Variants in FOXP1 observed in about 807,000 individuals in gnomAD.
FOXP1 encodes the protein forkhead box P1.
Under a neutral mutation model 98.2 loss-of-function variants are expected in FOXP1, and 15 were observed. The observed-to-expected ratio is 0.15, with a 90% confidence interval of 0.10 to 0.24. The LOEUF (loss-of-function observed/expected upper bound fraction) is 0.24. Ranked by LOEUF, FOXP1 falls within the 10% of genes least tolerant of loss-of-function variation. The pLI is 1.00. For missense variants in FOXP1, 633 were observed against 848.5 expected (o/e 0.75, Z 3.15); for synonymous variants, 371 against 314.5 (o/e 1.18, Z -1.90).
At chr3:71,266,774 C>T (rs1450707598) in intron 5 of FOXP1, among the ~76,000 whole-genome samples, 1 of 152,060 alleles carries the variant, frequency 6.6e-6, no homozygotes, top group East Asian at 1.9e-4. Context: ...TCTTTATGTT[C>T]GTGTGTACCC....
At position 71,322,030 on chromosome 3, in the gene FOXP1, A is replaced by G. The variant is rs1733545; in HGVS notation, c.-72-22150T>C. On this transcript the variant is annotated intron_variant, in intron 4 of 20. Coordinates refer to ENST00000649528, the MANE Select transcript of FOXP1 (RefSeq NM_001349338.3). ...TGAGATCTGTGTGTCAGATGTGAGA[A>G]TATGTGTTATACTCATAAGCAGGAT... Among the ~76,000 whole-genome samples, 961 of 152,352 alleles carry G rather than the reference A, an allele frequency of 6.3e-3. 3 individuals carry two copies. The highest frequency in any genetic ancestry group is 0.011 in the Non-Finnish European group (725 of 68,032).
At chr3:71,474,763 T>C (rs2089672732) in intron 3 of FOXP1, among the ~76,000 whole-genome samples, 1 of 151,998 alleles carries the variant, frequency 6.6e-6, no homozygotes, top group African/African-American at 2.4e-5. Context: ...TCCCACTGAT[T>C]CTATATTATG....
chr3:71,129,542 G>C (rs567064394), intron 6 of FOXP1, among the ~76,000 whole-genome samples: 1 of 152,160 alleles, frequency 6.6e-6, no homozygotes, highest in South Asian at 2.1e-4. Context: ...AAGATCAAAA[G>C]AGCTTATTTT....
chr3:70,992,964 T>C (rs968240791), intron 13 of FOXP1, among the ~76,000 whole-genome samples: 17 of 152,156 alleles, frequency 1.1e-4, no homozygotes. Context: ...CAGGAGGCTC[T>C]GTGAGGCCGC....
At chr3:71,458,640 A>G (rs1432134308) in intron 3 of FOXP1, among the ~76,000 whole-genome samples, 2 of 152,232 alleles carry the variant, frequency 1.3e-5, no homozygotes, top group Admixed American at 1.3e-4. Flanking sequence ...GACCTACTCT[A>G]CATCTTTATT....
chr3:71,227,733 A>T (rs11714352), intron 5 of FOXP1, among the ~76,000 whole-genome samples: 23,664 of 131,424 alleles, frequency 0.18, 2,051 homozygotes, highest in African/African-American at 0.29. Flanking sequence ...CAATGTTTTT[A>T]AAAAAAAAAA....
intron 6 of FOXP1, among the ~76,000 whole-genome samples, chr3:71,125,857 G>A (rs1193423213): frequency 2.0e-5 from 3 of 152,210 alleles, no homozygotes; most frequent in Non-Finnish European, 4.4e-5. Flanking sequence ...ACCAATCACT[G>A]TGTCTGGATT....
At chr3:71,200,362 T>C (rs181016012) in intron 5 of FOXP1, among the ~76,000 whole-genome samples, 10 of 152,310 alleles carry the variant, frequency 6.6e-5, no homozygotes, top group African/African-American at 2.2e-4. Context: ...TACCCCCAGT[T>C]TGCGGATGAG....
chr3:71,305,306 C>A (rs1439837014), intron 4 of FOXP1, among the ~76,000 whole-genome samples: 1 of 152,164 alleles, frequency 6.6e-6, no homozygotes, highest in Non-Finnish European at 1.5e-5. Context: ...GTCTCCTCCA[C>A]CGTGGGGCCA....
chr3:71,502,865 G>A (rs1484978436), intron 2 of FOXP1, among the ~76,000 whole-genome samples: 3 of 151,956 alleles, frequency 2.0e-5, no homozygotes, highest in African/African-American at 4.8e-5. Flanking sequence ...CAGCTAATAC[G>A]GGAGGAAAAA....
rs531763912 is a variant in FOXP1 at position 71,199,860 on chromosome 3, G to A, written c.-11-1468C>T. On this transcript the variant is annotated intron_variant, in intron 5 of 20. Coordinates refer to ENST00000649528, the MANE Select transcript of FOXP1 (RefSeq NM_001349338.3). ...TGGGAGGCCGAGGCGGGTGGATCAC[G>A]AGGTCAGGAGTTCAAGACCAGCCTG... is the stretch of plus-strand genomic sequence containing the variant. Among the ~76,000 whole-genome samples, 36 of 151,456 alleles carry A rather than the reference G, an allele frequency of 2.4e-4. 1 individual carries two copies. The East Asian group carries it at 6.7e-3, about 28-fold the overall frequency.
intron 1 of FOXP1, chr3:71,582,127 TG>T: frequency 1.0e-6 from 1 of 962,886 alleles, no homozygotes; most frequent in Non-Finnish European, 1.2e-6. Context: ...GAGGGGGGCA[TG>T]CGACTTTGTT....
chr3:71,513,721 G>A (rs534446035), intron 2 of FOXP1, among the ~76,000 whole-genome samples: 1 of 152,296 alleles, frequency 6.6e-6, no homozygotes, highest in East Asian at 1.9e-4. Context: ...CTGAGGGCCT[G>A]GAGGATAAAG....
chr3:71,321,393 C>T (rs1301623599), intron 4 of FOXP1, among the ~76,000 whole-genome samples: 2 of 152,110 alleles, frequency 1.3e-5, no homozygotes, highest in African/African-American at 2.4e-5. Context: ...TATGAGCCAG[C>T]CATAGCCCCA....
chr3:71,031,518 T>G (rs1420811072), intron 11 of FOXP1, among the ~76,000 whole-genome samples: 1 of 152,166 alleles, frequency 6.6e-6, no homozygotes, highest in Non-Finnish European at 1.5e-5. Flanking sequence ...AAAGTCCCTA[T>G]TTTTCACCCT....
chr3:71,161,254 G>A lies in FOXP1; in HGVS notation c.180+36948C>T, dbSNP rs564897316. 3.9e-5 allele frequency among the ~76,000 whole-genome samples: 6 copies of A among 152,292 alleles called. No individual in the cohort carries two copies. The South Asian group carries it at 1.2e-3, about 32-fold the overall frequency. On this transcript the variant is annotated intron_variant, in intron 6 of 20. Coordinates refer to ENST00000649528, the MANE Select transcript of FOXP1 (RefSeq NM_001349338.3). ...GTTTTTTCTCAAAATTCTGGGGATT[G>A]GCTGGGCTCAGCTAGGCGATTCTTT...
chr3:71,260,097 C>A (rs908665721), intron 5 of FOXP1, among the ~76,000 whole-genome samples: 4 of 152,220 alleles, frequency 2.6e-5, no homozygotes, highest in Non-Finnish European at 5.9e-5. Context: ...TATTCTCCTG[C>A]CTCAGCCTCC....
intron 4 of FOXP1, among the ~76,000 whole-genome samples, chr3:71,358,581 T>C (rs761450526): frequency 7.9e-5 from 12 of 152,186 alleles, no homozygotes; most frequent in Non-Finnish European, 1.8e-4. Flanking sequence ...TAAGGGCAGG[T>C]ATATATTTTT....
At chr3:71,176,223 A>C (rs535079255) in intron 6 of FOXP1, among the ~76,000 whole-genome samples, 1 of 152,232 alleles carries the variant, frequency 6.6e-6, no homozygotes, top group East Asian at 1.9e-4. Flanking sequence ...GCACCTGGAG[A>C]AAGTCTACAG....
Sources: gnomAD v4.1 joint callset for allele counts (sites outside exome capture counted in the v4.1 genomes callset) on GRCh38, gnomAD v4.1.1 for gene constraint, MANE v1.5 for transcripts, NCBI Gene and HGNC (gene_info 2026-07-23, HGNC 2026-07-21) for gene names.